ULK2: variants seen among roughly 807,000 people sequenced by gnomAD.
ULK2 encodes unc-51 like autophagy activating kinase 2.
ULK2 carries 76 observed loss-of-function variants against 127.5 expected under a neutral mutation model. The observed-to-expected ratio is 0.60, with a 90% CI of 0.50 to 0.72. The LOEUF (loss-of-function observed/expected upper bound fraction) is 0.72. Ranked by LOEUF, ULK2 falls within the 30% of genes least tolerant of loss-of-function variation. ULK2 has a pLI of 0.00. For synonymous variants in ULK2, 452 were observed against 461.9 expected, an observed-to-expected ratio of 0.98 and a Z score of 0.28; for missense variants, 1,144 against 1,295.9, an observed-to-expected ratio of 0.88 and a Z score of 1.80.
At chr17:19,844,757 A>C (rs2041840078) in intron 7 of ULK2, among the ~76,000 whole-genome samples, 1 of 152,162 alleles carries the variant, frequency 6.6e-6, no homozygotes, top group South Asian at 2.1e-4. Context: ...CTCTAGAATT[A>C]AGGTATTTCC....
intron 10 of ULK2, among the ~76,000 whole-genome samples, chr17:19,834,169 A>C (rs2041533384): frequency 6.6e-6 from 1 of 152,156 alleles, no homozygotes; most frequent in Non-Finnish European, 1.5e-5. Context: ...TGACATAGTC[A>C]AAGTACTGGC....
At chr17:19,849,302 G>A in intron 5 of ULK2, 67 bp downstream of exon 5, 1 of 1,398,100 alleles carries the variant, frequency 7.2e-7, no homozygotes, top group Non-Finnish European at 1.0e-6. Context: ...TATTTCACAA[G>A]TACCTCTTAG....
intron 10 of ULK2, among the ~76,000 whole-genome samples, chr17:19,829,559 T>TGGGG (rs2041384192): frequency 2.2e-5 from 1 of 46,202 alleles, no homozygotes; most frequent in African/African-American, 7.6e-5. Flanking sequence ...GGGGGGGGGC[T>TGGGG]GGGCACGGTA....
At chr17:19,852,352 T>C (rs553906984) in intron 3 of ULK2, among the ~76,000 whole-genome samples, 3 of 144,452 alleles carry the variant, frequency 2.1e-5, no homozygotes, top group Non-Finnish European at 4.5e-5. Context: ...AAACCCCATC[T>C]CTACTAAAAA....
chr17:19,786,326 G>A (rs1192823503), intron 20 of ULK2, among the ~76,000 whole-genome samples: 1 of 151,960 alleles, frequency 6.6e-6, no homozygotes, highest in African/African-American at 2.4e-5. Flanking sequence ...AGCATTCAGA[G>A]TTATGTTTGT....
intron 23 of ULK2, among the ~76,000 whole-genome samples, chr17:19,781,398 C>T (rs1367342617): frequency 1.3e-5 from 2 of 151,990 alleles, no homozygotes; most frequent in Non-Finnish European, 2.9e-5. Context: ...CAGGGACGCA[C>T]CACCATGCCC....
Position 19,867,438 on chromosome 17 carries a change from C to G in ULK2, c.-21G>C, listed in dbSNP as rs759956758. The G allele has an allele frequency of 1.3e-6, 2 of 1,582,462 alleles. No homozygotes were observed. Among genetic ancestry groups the G allele is most frequent in the Non-Finnish European group, 1.7e-6 (2 of 1,166,632 alleles). On this transcript the variant is annotated 5_prime_UTR_variant, in exon 1 of 27. Transcript: ENST00000395544. ...TCCATGGCCGCGCCCCCGGGGCACA[C>G]AGCGGACGGGCGGGCGGCGCAGTGC...
At chr17:19,837,519 T>C (rs987045520) in intron 10 of ULK2, among the ~76,000 whole-genome samples, 5 of 152,226 alleles carry the variant, frequency 3.3e-5, no homozygotes, top group African/African-American at 1.2e-4. Context: ...ACTTCTGACA[T>C]CGACACTTAG....
intron 26 of ULK2, 87 bp from the exon 27 acceptor site, chr17:19,776,494 G>C (rs2086814594): frequency 8.5e-7 from 1 of 1,178,306 alleles, no homozygotes; most frequent in Non-Finnish European, 1.2e-6. Flanking sequence ...AAAGTTAACA[G>C]TTCTGAATAT....
chr17:19,820,351 T>C (rs2041108635), intron 12 of ULK2, among the ~76,000 whole-genome samples: 1 of 152,146 alleles, frequency 6.6e-6, no homozygotes, highest in Non-Finnish European at 1.5e-5. Context: ...CCGGCCTAGC[T>C]CACTACAACT....
intron 14 of ULK2, among the ~76,000 whole-genome samples, chr17:19,805,572 C>A (rs1166447868): frequency 1.3e-5 from 2 of 152,166 alleles, no homozygotes; most frequent in Non-Finnish European, 2.9e-5. Context: ...TTATGTCTTA[C>A]TAAAAAATAA....
rs16960467 is a variant in ULK2 at position 19,825,317 on chromosome 17, T to G, written c.836-135A>C. 252 of 664,118 alleles carry G rather than the reference T, an allele frequency of 3.8e-4. 1 individual carries two copies. In the African/African-American group the frequency reaches 4.2e-3, roughly 11 times the overall value. The allele number at this position is 664,118 out of a possible 1,614,324, so 41.1% of individuals were successfully genotyped here. A position where few individuals can be genotyped will look rare whatever the true frequency, so the allele number is the denominator to read the frequency against. On this transcript the variant is annotated intron_variant, in intron 11 of 26. Transcript: ENST00000395544. Reference sequence around the variant, plus strand: ...GCATTTACCTATTTATTACCACATCTGCTGATGAAACTAAAAATGCAGCAA... The same window carrying G: ...GCATTTACCTATTTATTACCACATCGGCTGATGAAACTAAAAATGCAGCAA...
intron 15 of ULK2, among the ~76,000 whole-genome samples, chr17:19,804,334 G>A (rs1468376902): frequency 6.6e-6 from 1 of 152,058 alleles, no homozygotes; most frequent in African/African-American, 2.4e-5. Context: ...CTCAGGATGG[G>A]GGAAAAAGTA....
chr17:19,837,339 G>C lies in ULK2; in HGVS notation c.787+1162C>G, dbSNP rs546894824. 2.6e-5 allele frequency among the ~76,000 whole-genome samples: 4 copies of C among 151,834 alleles called. No homozygotes were observed. In the East Asian group the frequency reaches 7.8e-4, roughly 30 times the overall value. On this transcript the variant is annotated intron_variant, in intron 10 of 26. Transcript: ENST00000395544. Reference sequence around the variant, plus strand: ...GGAGGCTGAGGTGGGAGGATCACCTGAGCCTGGGAAAGTCAAGGCTGCAGT... The same window carrying C: ...GGAGGCTGAGGTGGGAGGATCACCTCAGCCTGGGAAAGTCAAGGCTGCAGT...
At chr17:19,796,001 T>C in intron 19 of ULK2, 94 bp downstream of exon 19, 1 of 1,494,308 alleles carries the variant, frequency 6.7e-7, no homozygotes, top group Non-Finnish European at 9.0e-7. Flanking sequence ...AATCACCCGC[T>C]ACACTAATGT....
At chr17:19,861,619 A>C (rs1413148748) in intron 3 of ULK2, among the ~76,000 whole-genome samples, 1 of 152,178 alleles carries the variant, frequency 6.6e-6, no homozygotes, top group Non-Finnish European at 1.5e-5. Flanking sequence ...GGTTTTCTGT[A>C]TCTCTCCAAG....
At chr17:19,866,896 G>A (rs1275038653) in intron 1 of ULK2, among the ~76,000 whole-genome samples, 1 of 152,158 alleles carries the variant, frequency 6.6e-6, no homozygotes, top group African/African-American at 2.4e-5. Context: ...AAAGCCTGAG[G>A]CTAATGGGAC....
At chr17:19,845,496 T>C (rs1467391523) in intron 6 of ULK2, 119 bp from the exon 7 acceptor site, 20 of 743,714 alleles carry the variant, frequency 2.7e-5, no homozygotes, top group East Asian at 5.6e-5. Flanking sequence ...AAACAGCTTA[T>C]TGAATTAGAC....
chr17:19,828,719 T>A (rs1160976810), intron 10 of ULK2, among the ~76,000 whole-genome samples: 1 of 152,314 alleles, frequency 6.6e-6, no homozygotes, highest in South Asian at 2.1e-4. Flanking sequence ...TCTTTCCTCA[T>A]CAGTAATTAC....
Sources: allele counts gnomAD v4.1 joint callset (sites outside exome capture counted in the v4.1 genomes callset), GRCh38; gene constraint gnomAD v4.1.1; transcripts MANE v1.5; gene names NCBI Gene and HGNC (gene_info 2026-07-23, HGNC 2026-07-21).